Variants in IKZF1 observed in about 807,000 individuals in gnomAD.
IKZF1 encodes the protein IKAROS family zinc finger 1.
IKZF1 carries 10 observed loss-of-function variants against 51.7 expected under a neutral mutation model. That is an observed-to-expected ratio of 0.19 (90% CI 0.12 to 0.33). IKZF1 has a LOEUF of 0.33. IKZF1 is among the 10% of genes least tolerant of loss of function. The pLI, the probability that IKZF1 is intolerant of heterozygous loss-of-function variation, is 1.00. For synonymous variants in IKZF1, 280 were observed against 282.3 expected (o/e 0.99, Z 0.08); for missense variants, 484 against 707.5 (o/e 0.68, Z 3.58).
chr7:50,383,900 A>G (rs571358866), intron 5 of IKZF1, among the ~76,000 whole-genome samples: 1 of 152,254 alleles, frequency 6.6e-6, no homozygotes, highest in Non-Finnish European at 1.5e-5. Flanking sequence ...TGAGGGTTTT[A>G]GAGGCTGCTC....
intron 4 of IKZF1, among the ~76,000 whole-genome samples, chr7:50,378,376 C>T (rs754335897): frequency 6.6e-6 from 1 of 152,176 alleles, no homozygotes; most frequent in Admixed American, 6.5e-5. Flanking sequence ...GTCCCAGCCT[C>T]GCCTTTGTAA....
At chr7:50,398,265 C>G (rs554294210) in intron 7 of IKZF1, among the ~76,000 whole-genome samples, 1 of 152,286 alleles carries the variant, frequency 6.6e-6, no homozygotes, top group African/African-American at 2.4e-5. Flanking sequence ...AATGAGAAGG[C>G]CACTTCTTCC....
intron 7 of IKZF1, among the ~76,000 whole-genome samples, chr7:50,396,465 A>C (rs1816740383): frequency 6.6e-6 from 1 of 152,208 alleles, no homozygotes; most frequent in East Asian, 1.9e-4. Context: ...GAATACTTTT[A>C]AAATTGATTC....
At chr7:50,313,633 A>G (rs1202211632) in intron 1 of IKZF1, among the ~76,000 whole-genome samples, 1 of 152,236 alleles carries the variant, frequency 6.6e-6, no homozygotes, top group Non-Finnish European at 1.5e-5. Context: ...CACGGGTTCA[A>G]GTGTCAGCTC....
At chr7:50,343,116 T>C (rs1799457710) in intron 3 of IKZF1, among the ~76,000 whole-genome samples, 2 of 148,504 alleles carry the variant, frequency 1.3e-5, no homozygotes, top group South Asian at 4.3e-4. Flanking sequence ...TTTTTTTCTT[T>C]CCTCCCTCCC....
At chr7:50,364,158 A>G (rs1374938180) in intron 3 of IKZF1, among the ~76,000 whole-genome samples, 1 of 152,206 alleles carries the variant, frequency 6.6e-6, no homozygotes, top group Non-Finnish European at 1.5e-5. Flanking sequence ...TCCTCCCTCT[A>G]GTTTTGAAAA....
chr7:50,386,588 TA>T (rs1329856284), intron 5 of IKZF1, among the ~76,000 whole-genome samples: 2 of 152,088 alleles, frequency 1.3e-5, no homozygotes, highest in Non-Finnish European at 2.9e-5. Context: ...TTTCTATGTA[TA>T]TGTATATGAG....
At chr7:50,351,453 C>T (rs2153431024) in intron 3 of IKZF1, among the ~76,000 whole-genome samples, 1 of 152,312 alleles carries the variant, frequency 6.6e-6, no homozygotes, top group South Asian at 2.1e-4. Context: ...ACTTTCCCGG[C>T]AGCAGGACCC....
intron 6 of IKZF1, among the ~76,000 whole-genome samples, chr7:50,389,863 C>T (rs1365597467): frequency 6.6e-6 from 1 of 152,150 alleles, no homozygotes; most frequent in African/African-American, 2.4e-5. Flanking sequence ...CCTCTGTTCC[C>T]CTCTAAGAAC....
chr7:50,375,987 GT>G (rs1810175790), intron 3 of IKZF1, among the ~76,000 whole-genome samples: 7 of 152,198 alleles, frequency 4.6e-5, no homozygotes, highest in Admixed American at 4.6e-4. Flanking sequence ...TGTTTACTGA[GT>G]TTTGTCCCAA....
rs987695968 is a variant in IKZF1, at chr7:50,376,303, G to A, written c.161-230G>A. On this transcript the variant is annotated intron_variant, in intron 3 of 7. Coordinates refer to ENST00000331340, the MANE Select transcript of IKZF1 (RefSeq NM_006060.6). This position sits in a 1 kb window ranked among gnomAD's most constrained non-coding sequence, Gnocchi z 4.5. ...AATCGCCACTGGGCCTATGGATGGA[G>A]AGGGCTGGCAGATCTCCCTGTAACC... Among the ~76,000 whole-genome samples the A allele has an allele frequency of 9.2e-5, 14 of 152,222 alleles. No homozygotes were observed. Among genetic ancestry groups the A allele is most frequent in the African/African-American group, 2.7e-4 (11 of 41,460 alleles).
intron 2 of IKZF1, 161 bp from the exon 3 acceptor site, chr7:50,327,477 C>A: frequency 9.1e-6 from 7 of 766,222 alleles, no homozygotes; most frequent in Non-Finnish European, 1.4e-5. Context: ...GGAGAAGTGA[C>A]TTTTTTTATA....
At chr7:50,385,591 C>G (rs1362599855) in intron 5 of IKZF1, among the ~76,000 whole-genome samples, 1 of 152,228 alleles carries the variant, frequency 6.6e-6, no homozygotes, top group Non-Finnish European at 1.5e-5. Flanking sequence ...TCAAGAGACA[C>G]TTGAGTTCAG....
chr7:50,376,962 C>G lies in IKZF1; in HGVS notation c.421+169C>G, dbSNP rs1265805196. ...GGTACCGAGTCATAGAGTCCTTGTT[C>G]TGGTACAGCCTTGTAAAGGACTTCT... is the stretch of plus-strand genomic sequence containing the variant. On this transcript the variant is annotated intron_variant, in intron 4 of 7. Coordinates refer to ENST00000331340, the MANE Select transcript of IKZF1 (RefSeq NM_006060.6). This position sits in a 1 kb window ranked among gnomAD's most constrained non-coding sequence, Gnocchi z 4.5. 2 of 1,168,236 alleles carry G rather than the reference C, an allele frequency of 1.7e-6. No individual in the cohort carries two copies. The highest frequency in any genetic ancestry group is 5.8e-5 in the Admixed American group (2 of 34,714). The allele number at this position is 1,168,236 out of a possible 1,614,324, so 72.4% of individuals were successfully genotyped here. A position where few individuals can be genotyped will look rare whatever the true frequency, so the allele number is the denominator to read the frequency against.
intron 3 of IKZF1, among the ~76,000 whole-genome samples, chr7:50,337,950 C>T (rs1398434540): frequency 1.3e-5 from 2 of 152,254 alleles, no homozygotes; most frequent in South Asian, 2.1e-4. Flanking sequence ...CCAGTTAGCC[C>T]GGACACATTC....
At chr7:50,362,544 T>A (rs1377864523) in intron 3 of IKZF1, among the ~76,000 whole-genome samples, 5 of 152,228 alleles carry the variant, frequency 3.3e-5, no homozygotes. Flanking sequence ...AGAAGGTAGA[T>A]GTTATCTTTA....
chr7:50,320,403 A>G (rs1361201193), intron 2 of IKZF1, among the ~76,000 whole-genome samples: 1 of 152,202 alleles, frequency 6.6e-6, no homozygotes, highest in East Asian at 1.9e-4. Context: ...CAGCATATTC[A>G]TCATCTCAAA....
At chr7:50,338,288 C>T (rs1047994587) in intron 3 of IKZF1, among the ~76,000 whole-genome samples, 81 of 152,134 alleles carry the variant, frequency 5.3e-4, no homozygotes, top group African/African-American at 1.8e-3. Flanking sequence ...GAACCTAATT[C>T]GTTCAATAAA....
chr7:50,353,210 C>T (rs1584707061), intron 3 of IKZF1, among the ~76,000 whole-genome samples: 1 of 152,252 alleles, frequency 6.6e-6, no homozygotes, highest in African/African-American at 2.4e-5. Context: ...CTTCCACCAA[C>T]ATTCAGCAGA....
Sources: allele counts gnomAD v4.1 joint callset (sites outside exome capture counted in the v4.1 genomes callset), GRCh38; gene constraint gnomAD v4.1.1; non-coding constraint Gnocchi (gnomAD v3.1); transcripts MANE v1.5; gene names NCBI Gene and HGNC (gene_info 2026-07-23, HGNC 2026-07-21).